MPZL1: variants seen among roughly 807,000 people sequenced by gnomAD.
MPZL1 encodes the protein myelin protein zero-like protein 1.
MPZL1 carries 16 observed loss-of-function variants against 29.3 expected under a neutral mutation model. That is an observed-to-expected ratio of 0.55 (90% confidence interval 0.37 to 0.83). MPZL1 has a LOEUF of 0.83. MPZL1 is among the 40% of genes least tolerant of loss of function. MPZL1 has a pLI of 0.00. For synonymous variants in MPZL1, 143 were observed against 132.0 expected (o/e 1.08, Z -0.57); for missense variants, 279 against 332.9 (o/e 0.84, Z 1.26).
At chr1:167,759,828 A>G (rs1277074178) in intron 1 of MPZL1, among the ~76,000 whole-genome samples, 2 of 152,148 alleles carry the variant, frequency 1.3e-5, no homozygotes, top group South Asian at 2.1e-4. Context: ...TAGGCAGAGG[A>G]AAAACATGGT....
At chr1:167,731,164 G>A (rs10918748) in intron 1 of MPZL1, among the ~76,000 whole-genome samples, 7,787 of 152,162 alleles carry the variant, frequency 0.051, 657 homozygotes, top group African/African-American at 0.18. Flanking sequence ...GCCGGGTGCC[G>A]TGGCTCGCGC....
Position 167,740,491 on chromosome 1 carries a change from A to G in MPZL1, c.91+18249A>G, listed in dbSNP as rs945633964. Among the ~76,000 whole-genome samples, 4 of 152,004 alleles carry G rather than the reference A, an allele frequency of 2.6e-5. No homozygotes were observed. In the East Asian group the frequency reaches 5.8e-4, roughly 22 times the overall value. On this transcript the variant is annotated intron_variant, in intron 1 of 5. Coordinates refer to ENST00000359523, the MANE Select transcript of MPZL1 (RefSeq NM_003953.6). ...CTCTTCTCTTGGCTTTACTTACACC[A>G]CATTCTCTGGTTTTCTTCCCCTCTC...
rs200619627 is a variant in MPZL1, at chr1:167,776,182, G to A, written c.708+16G>A. 23 of 1,579,618 alleles carry A rather than the reference G, an allele frequency of 1.5e-5. 1 individual carries two copies. The highest frequency in any genetic ancestry group is 5.4e-5 in the African/African-American group (4 of 74,176). On this transcript the variant is annotated intron_variant, in intron 5 of 5. Coordinates refer to ENST00000359523, the MANE Select transcript of MPZL1 (RefSeq NM_003953.6). ...ATCTCACCAGGTAATGGCTGATTGC[G>A]ATTCTGCCCACTGCACTGTTCCCTA... is the stretch of plus-strand genomic sequence containing the variant.
chr1:167,741,432 T>C lies in MPZL1; in HGVS notation c.91+19190T>C, dbSNP rs112568558. On this transcript the variant is annotated intron_variant, in intron 1 of 5. Transcript: ENST00000359523. ...CCTCCGCCTCCCAGATTCCAGCAAT[T>C]CTTGTGCCTCAGCCTCCTGAGTAGC... Among the ~76,000 whole-genome samples the C allele has an allele frequency of 9.1e-3, 1,263 of 139,080 alleles. 15 individuals carry two copies. The highest frequency in any genetic ancestry group is 0.031 in the African/African-American group (1,151 of 37,600). The allele number at this position is 139,080 out of a possible 152,430, so 91.2% of individuals were successfully genotyped here.
At chr1:167,780,190 A>G (rs764573615) in intron 5 of MPZL1, among the ~76,000 whole-genome samples, 26 of 152,366 alleles carry the variant, frequency 1.7e-4, no homozygotes, top group Middle Eastern at 3.4e-3. Flanking sequence ...GAAAATGAGC[A>G]AAGGGTAGAT....
chr1:167,749,023 C>A (rs139388824), intron 1 of MPZL1, among the ~76,000 whole-genome samples: 2 of 152,234 alleles, frequency 1.3e-5, no homozygotes, highest in Non-Finnish European at 2.9e-5. Context: ...TCATATCACC[C>A]TTCTCAAAAA....
chr1:167,731,039 G>A (rs573210247), intron 1 of MPZL1, among the ~76,000 whole-genome samples: 6 of 152,160 alleles, frequency 3.9e-5, no homozygotes, highest in Non-Finnish European at 7.4e-5. Flanking sequence ...AAGAACTGCA[G>A]TGAGGCTTGC....
intron 2 of MPZL1, among the ~76,000 whole-genome samples, chr1:167,770,568 A>G (rs1661217964): frequency 1.3e-5 from 2 of 152,232 alleles, no homozygotes; most frequent in Non-Finnish European, 2.9e-5. Flanking sequence ...TCCATAGGAA[A>G]CCAGAAGGAA....
chr1:167,764,083 A>T (rs879474926), intron 1 of MPZL1, among the ~76,000 whole-genome samples: 4 of 152,220 alleles, frequency 2.6e-5, no homozygotes, highest in Non-Finnish European at 5.9e-5. Flanking sequence ...CGTCTGTTAC[A>T]TTCTAAGAAT....
chr1:167,782,998 T>C (rs1005306241), intron 5 of MPZL1, among the ~76,000 whole-genome samples: 1 of 152,228 alleles, frequency 6.6e-6, no homozygotes, highest in African/African-American at 2.4e-5. Context: ...ATAATTAATA[T>C]GTTTTTAACA....
chr1:167,742,931 A>G (rs576270371), intron 1 of MPZL1, among the ~76,000 whole-genome samples: 21 of 152,176 alleles, frequency 1.4e-4, no homozygotes, highest in African/African-American at 4.6e-4. Flanking sequence ...TTTGTCAATG[A>G]TCAGTAGGCT....
At chr1:167,776,860 G>A (rs1661378630) in intron 5 of MPZL1, among the ~76,000 whole-genome samples, 2 of 152,180 alleles carry the variant, frequency 1.3e-5, no homozygotes, top group Non-Finnish European at 2.9e-5. Context: ...GCCAGTTATA[G>A]CTTTGTCCTA....
intron 1 of MPZL1, among the ~76,000 whole-genome samples, chr1:167,731,684 C>T (rs952402230): frequency 1.7e-4 from 26 of 151,796 alleles, no homozygotes; most frequent in Non-Finnish European, 1.5e-4. Context: ...GTGATTCCCT[C>T]GCCTTGGCCT....
chr1:167,744,558 T>C (rs1044438816), intron 1 of MPZL1, among the ~76,000 whole-genome samples: 7 of 151,418 alleles, frequency 4.6e-5, no homozygotes, highest in Non-Finnish European at 8.8e-5. Context: ...GTCGTGTGCG[T>C]CTATAATCCC....
chr1:167,765,748 C>A lies in MPZL1; in HGVS notation c.257C>A (p.Ser86Ter). The A allele has an allele frequency of 6.3e-7, 1 of 1,596,448 alleles. No individual in the cohort carries two copies. The highest frequency in any genetic ancestry group is 1.1e-5 in the South Asian group (1 of 87,956). Residue 86 changes from serine (S) to a stop codon, truncating the protein, a stop_gained and splice_region_variant, in exon 2 of 6, where the codon TCG (serine) becomes TAG (stop). Coordinates refer to ENST00000359523, the MANE Select transcript of MPZL1 (RefSeq NM_003953.6). LOFTEE classifies it high-confidence loss of function. The part of the protein sequence containing the change: ...FQPEGADTTV[S>*]FFHYSQGQVY... ...CCAGAGGGGGCCGACACTACTGTGT[C>A]GGTAAGAATGCTTGACTTCTCTTGG...
chr1:167,761,543 C>G lies in MPZL1; in HGVS notation c.92-4040C>G, dbSNP rs148313281. On this transcript the variant is annotated intron_variant, in intron 1 of 5. Coordinates refer to ENST00000359523, the MANE Select transcript of MPZL1 (RefSeq NM_003953.6). Reference sequence around the variant, plus strand: ...GTTCTCTTCTCATTGCTTCTGTTTTCTCGGTGAAATAAGCAGCTCAGTCAT... The same window carrying G: ...GTTCTCTTCTCATTGCTTCTGTTTTGTCGGTGAAATAAGCAGCTCAGTCAT... Among the ~76,000 whole-genome samples the G allele has an allele frequency of 3.0e-3, 456 of 152,134 alleles. 3 individuals carry two copies. Among genetic ancestry groups the G allele is most frequent in the East Asian group, 8.9e-3 (46 of 5,174 alleles).
In MPZL1 at chr1:167,788,767, A is replaced by G. The variant is rs1661643044; in HGVS notation, c.*846A>G. On this transcript the variant is annotated 3_prime_UTR_variant, in exon 6 of 6. Coordinates refer to ENST00000359523, the MANE Select transcript of MPZL1 (RefSeq NM_003953.6). The stretch of plus-strand genomic sequence containing the variant: ...CTTTCTGCTTGAAATAACAGTCACC[A>G]TACAGCTAAAGGAGAGGAGTTTCTT... The G allele has an allele frequency of 6.6e-6, 1 of 152,104 alleles. No homozygotes were observed. Among genetic ancestry groups the G allele is most frequent in the South Asian group, 2.1e-4 (1 of 4,816 alleles). 9.4% of individuals were successfully genotyped at this position (152,104 alleles called of 1,614,324 possible).
intron 1 of MPZL1, among the ~76,000 whole-genome samples, chr1:167,725,294 T>A (rs889483238): frequency 1.3e-5 from 2 of 152,096 alleles, no homozygotes; most frequent in Non-Finnish European, 2.9e-5. Flanking sequence ...TTCCTCTTTT[T>A]CCCCCTCTGG....
rs150774030 is a variant in MPZL1, at chr1:167,772,433, C to T, written c.417C>T (p.Asn139=). ...GCACCTATATCTGTGATGTCAAAAA[C>T]CCTCCTGACATCGTTGTCCAGCCTG... is the stretch of plus-strand genomic sequence containing the variant. ...HNGTYICDVK[N]PPDIVVQPGH... Residue 139 remains asparagine (N), a synonymous_variant, in exon 3 of 6, where the codon AAC becomes AAT. Coordinates refer to ENST00000359523, the MANE Select transcript of MPZL1 (RefSeq NM_003953.6). 2.5e-6 allele frequency: 4 copies of T among 1,614,030 alleles called. No individual in the cohort carries two copies. Among genetic ancestry groups the T allele is most frequent in the African/African-American group, 1.3e-5 (1 of 74,918 alleles).
Sources: allele counts gnomAD v4.1 joint callset (sites outside exome capture counted in the v4.1 genomes callset), GRCh38; gene constraint gnomAD v4.1.1; transcripts MANE v1.5; gene names NCBI Gene and HGNC (gene_info 2026-07-23, HGNC 2026-07-21).